Variants in FAM204A observed in about 807,000 individuals in gnomAD.
The protein encoded by FAM204A is family with sequence similarity 204 member A.
FAM204A carries 16 observed loss-of-function variants against 35.4 expected under a neutral mutation model. The observed-to-expected ratio is 0.45, with a 90% CI of 0.31 to 0.69. FAM204A has a LOEUF of 0.69. Among genes scored for constraint, FAM204A ranks in the 30% least tolerant of loss-of-function variants. The pLI is 0.07. For synonymous variants in FAM204A, 76 were observed against 86.9 expected (o/e 0.88, Z 0.70); for missense variants, 240 against 265.7 (o/e 0.90, Z 0.67).
At position 118,335,179 on chromosome 10, in the gene FAM204A, G is replaced by C. The variant is rs1846359381; in HGVS notation, c.388C>G (p.Leu130Val). Residue 130 changes from leucine (L) to valine (V), a missense_variant, in exon 6 of 9, where the codon CTT becomes GTT. Physicochemically the swap from Leu to Val is conservative, Grantham distance 32. Around this residue, in one of 2 missense-constraint regions of FAM204A, gnomAD observed 232 missense variants for 242.8 expected, o/e 0.96. Transcript: ENST00000369183. The stretch of plus-strand genomic sequence containing the variant: ...TCATTGACTCCAAAATACTGAGTAA[G>C]CTCTTTCCACTGGGTTTCATTTGAG... ...PSSNETQWKE[L>V]TQYFGVNDRF... 1 of 1,613,374 alleles carries C rather than the reference G, an allele frequency of 6.2e-7. No individual in the cohort carries two copies. The highest frequency in any genetic ancestry group is 8.5e-7 in the Non-Finnish European group (1 of 1,179,772).
intron 7 of FAM204A, chr10:118,322,358 G>A (rs551463258): frequency 4.4e-6 from 2 of 456,296 alleles, no homozygotes; most frequent in African/African-American, 2.0e-5. Context: ...GAGACAGCAC[G>A]AGTCTCTGGA....
chr10:118,335,413 A>C lies in FAM204A; in HGVS notation c.336T>G (p.Asn112Lys), dbSNP rs200241971. 191 of 1,593,936 alleles carry C rather than the reference A, an allele frequency of 1.2e-4. 2 individuals are homozygous for C. The East Asian group carries it at 2.1e-3, about 18-fold the overall frequency. ...RKRSRKDKLKNEKELHSEPSS... is the reference protein window; with the variant it reads ...RKRSRKDKLKKEKELHSEPSS... ...CTACCTACCTATGTAATTCTTTTTC[A>C]TTCTTCAATTTATCTGAAAAGAATT... The change falls in exon 5 of 9, where the codon AAT becomes AAG. Residue 112 changes from asparagine to lysine, a missense_variant. Asn to Lys is a moderately conservative substitution (Grantham distance 94, BLOSUM62 0). This residue lies in a region of FAM204A where 232 missense variants were observed against 242.8 expected (regional missense o/e 0.96). Transcript: ENST00000369183.
chr10:118,323,158 G>A (rs1467792734), intron 7 of FAM204A, among the ~76,000 whole-genome samples: 3 of 152,186 alleles, frequency 2.0e-5, no homozygotes, highest in African/African-American at 7.2e-5. Context: ...GACTGGACAA[G>A]CAACAGCAAT....
chr10:118,338,271 T>C (rs1846419363), intron 2 of FAM204A, among the ~76,000 whole-genome samples: 1 of 152,196 alleles, frequency 6.6e-6, no homozygotes, highest in Non-Finnish European at 1.5e-5. Flanking sequence ...ACTCTTGAAA[T>C]ACTCCAATAG....
At chr10:118,338,178 C>T (rs975714330) in intron 2 of FAM204A, among the ~76,000 whole-genome samples, 2 of 152,108 alleles carry the variant, frequency 1.3e-5, no homozygotes, top group Admixed American at 6.5e-5. Flanking sequence ...GGAAGAAACC[C>T]GAAGTTATAT....
At position 118,302,556 on chromosome 10, in the gene FAM204A, T is replaced by C. The variant is rs1048060973; in HGVS notation, c.*8301A>G. Reference sequence around the variant, plus strand: ...AGGACTTTAATTAAGCCCTCCACCATCGGGAATGGAACTTTTATGTACATG... The same window carrying C: ...AGGACTTTAATTAAGCCCTCCACCACCGGGAATGGAACTTTTATGTACATG... On this transcript the variant is annotated 3_prime_UTR_variant, in exon 9 of 9. Coordinates refer to ENST00000369183, the MANE Select transcript of FAM204A (RefSeq NM_022063.3). 2.0e-5 allele frequency: 3 copies of C among 152,356 alleles called. No homozygotes were observed. Among genetic ancestry groups the C allele is most frequent in the Non-Finnish European group, 4.4e-5 (3 of 68,038 alleles). The allele number at this position is 152,356 out of a possible 1,614,324, so 9.4% of individuals were successfully genotyped here. A position where few individuals can be genotyped will look rare whatever the true frequency, so the allele number is the denominator to read the frequency against.
chr10:118,313,640 A>C (rs781085914), intron 7 of FAM204A, among the ~76,000 whole-genome samples: 34 of 152,160 alleles, frequency 2.2e-4, no homozygotes, highest in Non-Finnish European at 4.3e-4. Context: ...CGTAAAACAG[A>C]AAAATCTATA....
rs1845846325 is a variant in FAM204A at position 118,304,939 on chromosome 10, C to G, written c.*5918G>C. 1 of 152,256 alleles carries G rather than the reference C, an allele frequency of 6.6e-6. No homozygotes were observed. Among genetic ancestry groups the G allele is most frequent in the Non-Finnish European group, 1.5e-5 (1 of 68,050 alleles). The allele number at this position is 152,256 out of a possible 1,614,324, so 9.4% of individuals were successfully genotyped here. A position where few individuals can be genotyped will look rare whatever the true frequency, so the allele number is the denominator to read the frequency against. ...TTACTAAAATTTCTTTCCTCCCAGT[C>G]TATATTTTCCAGCTTCCCTTGTGGT... On this transcript the variant is annotated 3_prime_UTR_variant, in exon 9 of 9. Coordinates refer to ENST00000369183, the MANE Select transcript of FAM204A (RefSeq NM_022063.3).
chr10:118,330,952 T>A (rs2133286394), intron 6 of FAM204A, among the ~76,000 whole-genome samples: 1 of 152,338 alleles, frequency 6.6e-6, no homozygotes, highest in South Asian at 2.1e-4. Context: ...AAGATTATGA[T>A]GAGTCAAAGA....
At chr10:118,321,724 C>CAAAAAA (rs200200755) in intron 7 of FAM204A, among the ~76,000 whole-genome samples, 133 of 87,254 alleles carry the variant, frequency 1.5e-3, no homozygotes, top group African/African-American at 1.7e-3. Flanking sequence ...TATGACAAAG[C>CAAAAAA]AAAAAAAAAA....
chr10:118,319,142 A>G (rs7908729), intron 7 of FAM204A, among the ~76,000 whole-genome samples: 6 of 152,138 alleles, frequency 3.9e-5, no homozygotes, highest in African/African-American at 1.4e-4. Flanking sequence ...AGAAAGGACT[A>G]CTTCTCAGAT....
rs1291215766 is a variant in FAM204A, at chr10:118,301,936, C to T, written c.*8921G>A. On this transcript the variant is annotated 3_prime_UTR_variant, in exon 9 of 9. Coordinates refer to ENST00000369183, the MANE Select transcript of FAM204A (RefSeq NM_022063.3). ...TTTGCTGGCATCAGCAACACACCTG[C>T]CTCCGTCCTTTTTCTCCAAAGTTTA... 6.5e-6 allele frequency: 1 copy of T among 152,720 alleles called. No individual in the cohort carries two copies. The highest frequency in any genetic ancestry group is 2.4e-5 in the African/African-American group (1 of 41,570). The allele number at this position is 152,720 out of a possible 1,614,324, so 9.5% of individuals were successfully genotyped here. A position where few individuals can be genotyped will look rare whatever the true frequency, so the allele number is the denominator to read the frequency against.
intron 7 of FAM204A, among the ~76,000 whole-genome samples, chr10:118,315,784 C>T (rs1179452361): frequency 6.6e-6 from 1 of 152,100 alleles, no homozygotes; most frequent in Non-Finnish European, 1.5e-5. Context: ...TTTCTTTTAG[C>T]CTGCATGCAA....
At chr10:118,313,572 A>T (rs1033243725) in intron 7 of FAM204A, among the ~76,000 whole-genome samples, 2 of 152,210 alleles carry the variant, frequency 1.3e-5, no homozygotes, top group Admixed American at 6.5e-5. Context: ...AGATGCATAT[A>T]GGTCTCTCCA....
rs1284412556 is a variant in FAM204A at position 118,335,600 on chromosome 10, G to A, written c.276C>T (p.Ser92=). ...TTTTCCCTCTGAATCTTGAGGTTGTGCTTTTCTGTTCAGAATGTTTTTTAT... is the reference window on the plus strand; with the variant it reads ...TTTTCCCTCTGAATCTTGAGGTTGTACTTTTCTGTTCAGAATGTTTTTTAT... ...ELHKKHSEQK[S]TTSRFRGKRR... is the part of the protein sequence containing the mutation. The change falls in exon 4 of 9, where the codon AGC becomes AGT. Residue 92 remains serine (S), a synonymous_variant. Transcript: ENST00000369183. The A allele has an allele frequency of 1.2e-6, 2 of 1,610,430 alleles. No individual in the cohort carries two copies. Among genetic ancestry groups the A allele is most frequent in the African/African-American group, 1.3e-5 (1 of 74,652 alleles).
intron 6 of FAM204A, among the ~76,000 whole-genome samples, chr10:118,334,493 G>A (rs1335561508): frequency 1.3e-5 from 2 of 152,096 alleles, no homozygotes; most frequent in African/African-American, 2.4e-5. Flanking sequence ...TAACTGTTCT[G>A]TTCTCATCTA....
intron 6 of FAM204A, among the ~76,000 whole-genome samples, chr10:118,329,323 T>C (rs1846251419): frequency 6.6e-6 from 1 of 152,156 alleles, no homozygotes; most frequent in African/African-American, 2.4e-5. Flanking sequence ...AAGCATTACT[T>C]CATATTCCCT....
intron 7 of FAM204A, among the ~76,000 whole-genome samples, chr10:118,324,562 C>T (rs977509035): frequency 2.0e-5 from 3 of 152,080 alleles, no homozygotes; most frequent in Admixed American, 1.3e-4. Context: ...AATTTGAGGA[C>T]ACTATGTTAA....
chr10:118,325,539 C>T (rs547332178), intron 7 of FAM204A, among the ~76,000 whole-genome samples: 2 of 152,118 alleles, frequency 1.3e-5, no homozygotes, highest in African/African-American at 4.8e-5. Context: ...AAAACACATG[C>T]CAATATGAGC....
Sources: allele counts gnomAD v4.1 joint callset (sites outside exome capture counted in the v4.1 genomes callset), GRCh38; gene constraint gnomAD v4.1.1; regional missense constraint gnomAD v4.1.1; transcripts MANE v1.5; gene names NCBI Gene and HGNC (gene_info 2026-07-23, HGNC 2026-07-21).